Variants in DCXR observed in about 807,000 individuals in gnomAD.
DCXR encodes dicarbonyl and L-xylulose reductase.
In DCXR, 24 loss-of-function variants were observed where a neutral mutation model predicts 25.9. The ratio of observed to expected loss-of-function variants is 0.93; its 90% CI spans 0.67 to 1.30. DCXR has a LOEUF of 1.30. Among genes scored for constraint, DCXR ranks in the 50% most tolerant of loss-of-function variants. The probability of loss-of-function intolerance (pLI) is 0.00; values close to 1 mark genes in which losing one functional copy is unlikely to be tolerated. For synonymous variants in DCXR, 161 were observed against 141.7 expected (o/e 1.14, Z -0.97); for missense variants, 348 against 333.7 (o/e 1.04, Z -0.33).
intron 6 of DCXR, 22 bp from the exon 7 acceptor site, chr17:82,036,330 C>G (rs772988865): frequency 7.4e-6 from 12 of 1,613,324 alleles, no homozygotes; most frequent in Non-Finnish European, 9.3e-6. Context: ...CAGCTGGGGT[C>G]AGCAGGGCAA....
At chr17:82,036,484 T>C (rs2144168529) in intron 5 of DCXR, 36 bp from the exon 6 acceptor site, 3 of 1,612,230 alleles carry the variant, frequency 1.9e-6, no homozygotes, top group Non-Finnish European at 2.5e-6. Flanking sequence ...GGGGCTGGGG[T>C]CGGTGATGAG....
intron 2 of DCXR, 46 bp downstream of exon 2, chr17:82,037,404 C>A: frequency 6.7e-7 from 1 of 1,502,764 alleles, no homozygotes; most frequent in South Asian, 1.2e-5. Context: ...GCTGCCGCCC[C>A]CTCCTGGCTC....
At chr17:82,036,352 T>C in intron 6 of DCXR, 32 bp downstream of exon 6, 1 of 1,613,172 alleles carries the variant, frequency 6.2e-7, no homozygotes, top group Non-Finnish European at 8.5e-7. Flanking sequence ...TGGGGTGTCC[T>C]AGGTTGGGGG....
chr17:82,035,914 G>C lies in DCXR; in HGVS notation c.*46C>G. Reference sequence around the variant, plus strand: ...AGAATCAGGTTTATTGGAGGGATTGGGGGTAGGATGAGCACGGCATGGGGC... The same window carrying C: ...AGAATCAGGTTTATTGGAGGGATTGCGGGTAGGATGAGCACGGCATGGGGC... On this transcript the variant is annotated 3_prime_UTR_variant, in exon 8 of 8. Transcript: ENST00000306869. The C allele has an allele frequency of 2.0e-6, 3 of 1,509,408 alleles. No individual in the cohort carries two copies. Among genetic ancestry groups the C allele is most frequent in the African/African-American group, 2.7e-5 (2 of 73,028 alleles). 93.5% of individuals were successfully genotyped at this position (1,509,408 alleles called of 1,614,324 possible).
At chr17:82,037,315 G>A in intron 2 of DCXR, 135 bp downstream of exon 2, 1 of 1,066,336 alleles carries the variant, frequency 9.4e-7, no homozygotes, top group South Asian at 1.8e-5. Context: ...GAGAGGGTGC[G>A]CGGGCGCCCA....
chr17:82,037,351 G>T, intron 2 of DCXR, 99 bp downstream of exon 2: 2 of 1,285,504 alleles, frequency 1.6e-6, no homozygotes, highest in African/African-American at 1.6e-5. Flanking sequence ...CGCAGCGCCC[G>T]CGAGGGGAGG....
chr17:82,037,069 T>G lies in DCXR; in HGVS notation c.151-56A>C, dbSNP rs957751755. 3.9e-6 allele frequency: 6 copies of G among 1,542,950 alleles called. No individual in the cohort carries two copies. The African/African-American group carries it at 8.2e-5, about 21-fold the overall frequency. On this transcript the variant is annotated intron_variant, in intron 2 of 7. Transcript: ENST00000306869. Reference sequence around the variant, plus strand: ...CTCTGTGCCCAGCAAGCGGCACAGCTGGGGACTGGGGCTGGTGACCTTTCA... The same window carrying G: ...CTCTGTGCCCAGCAAGCGGCACAGCGGGGGACTGGGGCTGGTGACCTTTCA...
intron 7 of DCXR, 34 bp downstream of exon 7, chr17:82,036,157 G>A: frequency 6.2e-7 from 1 of 1,608,600 alleles, no homozygotes; most frequent in Non-Finnish European, 8.5e-7. Flanking sequence ...AGGGACTGCT[G>A]GCACCACGCT....
At chr17:82,037,248 G>A in intron 2 of DCXR, 2 of 837,278 alleles carry the variant, frequency 2.4e-6, no homozygotes, top group Non-Finnish European at 3.6e-6. Flanking sequence ...TTCTGAGCCC[G>A]GGGGCCCCGG....
intron 3 of DCXR, 25 bp downstream of exon 3, chr17:82,036,834 G>C: frequency 6.2e-7 from 1 of 1,613,440 alleles, no homozygotes. Flanking sequence ...CCCTCCCTGA[G>C]GTTCCTCCGC....
rs147968086 is a variant in DCXR at position 82,036,215 on chromosome 17, G to A, written c.607C>T (p.Arg203Ter). The stretch of plus-strand genomic sequence containing the variant: ...CCAGCAAACTTGCCAAGTGGGATTC[G>A]GTTCAGCATAGTCTTGGCCTTGTGG... ...DPHKAKTMLN[R>*]IPLGKFAEVE... The change falls in exon 7 of 8, where the codon CGA becomes TGA. Residue 203 changes from arginine to a stop codon, truncating the protein, a stop_gained. Transcript: ENST00000306869. LOFTEE classifies it high-confidence loss of function. 6.8e-6 allele frequency: 11 copies of A among 1,613,530 alleles called. No homozygotes were observed. The highest frequency in any genetic ancestry group is 2.7e-5 in the African/African-American group (2 of 74,922).
chr17:82,036,399 C>G lies in DCXR; in HGVS notation c.498G>C (p.Glu166Asp), dbSNP rs1294679083. ...LDMLTKVMAL[E>D]LGPHKIRVNA... ...CCCTGCTCACCTTGTGGGGCCCGAG[C>G]TCTAGGGCCATCACCTTGGTCAGCA... The change falls in exon 6 of 8, where the codon GAG (glutamate) becomes GAC (aspartate). Residue 166 changes from glutamate to aspartate, a missense_variant. Glu to Asp is a conservative substitution (Grantham distance 45). Transcript: ENST00000306869. The G allele has an allele frequency of 5.0e-6, 8 of 1,613,416 alleles. No homozygotes were observed. The highest frequency in any genetic ancestry group is 6.8e-6 in the Non-Finnish European group (8 of 1,179,988).
Position 82,036,987 on chromosome 17 carries a change from C to T in DCXR, c.177G>A (p.Val59=). The part of the protein sequence containing the change: ...RECPGIEPVC[V]DLGDWEATER... ...CGGTGGCCTCCCAGTCACCCAGGTC[C>T]ACGCACACGGGTTCTATCCCCGGGC... The change falls in exon 3 of 8, where the codon GTG becomes GTA. Residue 59 remains valine, a synonymous_variant. Transcript: ENST00000306869. 6.3e-7 allele frequency: 1 copy of T among 1,578,158 alleles called. No individual in the cohort carries two copies. The highest frequency in any genetic ancestry group is 8.6e-7 in the Non-Finnish European group (1 of 1,162,786).
Position 82,036,109 on chromosome 17 carries a change from G to A in DCXR, c.632-46C>T, listed in dbSNP as rs771377752. 8.1e-6 allele frequency: 13 copies of A among 1,605,292 alleles called. No individual in the cohort carries two copies. The Admixed American group carries it at 1.5e-4, about 19-fold the overall frequency. ...AGGGGCATAGAGGAAGGAGGCTGCC[G>A]CCCATCTTTCCCTCCCACCCCTACC... On this transcript the variant is annotated intron_variant, in intron 7 of 7. Transcript: ENST00000306869.
Position 82,037,535 on chromosome 17 carries a change from C to T in DCXR, c.65G>A (p.Gly22Asp). 6.5e-7 allele frequency: 1 copy of T among 1,544,908 alleles called. No homozygotes were observed. Among genetic ancestry groups the T allele is most frequent in the Non-Finnish European group, 8.7e-7 (1 of 1,151,698 alleles). Residue 22 changes from glycine to aspartate, a missense_variant, in exon 2 of 8, where the codon GGC becomes GAC. Transcript: ENST00000306869. The stretch of plus-strand genomic sequence containing the variant: ...CGTCGCGTGCAGCGCCTGGACCGTG[C>T]CGCGCCCTATACCTGCCGGGAGCGG... ...VTGAGKGIGRGTVQALHATGA... is the reference protein window; with the variant it reads ...VTGAGKGIGRDTVQALHATGA...
chr17:82,036,636 G>A lies in DCXR; in HGVS notation c.356C>T (p.Ala119Val), dbSNP rs1183389497. Reference protein sequence around the residue: ...RAVIQVSQIVARGLIARGVPG... With the variant: ...RAVIQVSQIVVRGLIARGVPG... ...GACTCCCCGGGCTATTAAGCCCCTG[G>A]CCACAATCTGGAATCGCAGCGAGAC... Residue 119 changes from alanine to valine, a missense_variant, in exon 5 of 8, where the codon GCC (alanine) becomes GTC (valine). By Grantham distance (64) the Ala-to-Val change is moderately conservative. Transcript: ENST00000306869. 15 of 1,613,208 alleles carry A rather than the reference G, an allele frequency of 9.3e-6. No homozygotes were observed. Among genetic ancestry groups the A allele is most frequent in the Non-Finnish European group, 1.3e-5 (15 of 1,180,010 alleles).
Position 82,037,021 on chromosome 17 carries a change from T to C in DCXR, c.151-8A>G. On this transcript the variant is annotated splice_region_variant and splice_polypyrimidine_tract_variant and intron_variant, in intron 2 of 7. Coordinates refer to ENST00000306869, the MANE Select transcript of DCXR (RefSeq NM_016286.4). ...GGGTTCTATCCCCGGGCACTGTGTG[T>C]ATCAGGGGGCAGTTACCAGAGGCTC... is the stretch of plus-strand genomic sequence containing the variant. The C allele has an allele frequency of 3.2e-6, 5 of 1,554,246 alleles. No individual in the cohort carries two copies. Among genetic ancestry groups the C allele is most frequent in the Non-Finnish European group, 4.3e-6 (5 of 1,149,676 alleles).
At chr17:82,036,687 C>T (rs763406253) in intron 4 of DCXR, 34 bp downstream of exon 4, 11 of 1,613,450 alleles carry the variant, frequency 6.8e-6, no homozygotes, top group African/African-American at 4.0e-5. Flanking sequence ...GCATCACTCA[C>T]GAGAATTCCC....
In DCXR at chr17:82,036,176, T is replaced by A; in HGVS notation, c.631+15A>T. 6.2e-7 allele frequency: 1 copy of A among 1,607,336 alleles called. No homozygotes were observed. ...ACTGCTGGCACCACGCTGGCTGGGC[T>A]CCCACCTGACTCACCAGCAAACTTG... On this transcript the variant is annotated intron_variant, in intron 7 of 7. Transcript: ENST00000306869.
Sources: allele counts gnomAD v4.1 joint callset, GRCh38; gene constraint gnomAD v4.1.1; transcripts MANE v1.5; gene names NCBI Gene and HGNC (gene_info 2026-07-23, HGNC 2026-07-21).